Variants in CSMD2 observed in about 807,000 individuals in gnomAD.
CSMD2 encodes the protein CUB and sushi domain-containing protein 2.
A neutral mutation model predicts 398.5 loss-of-function variants in CSMD2; 130 were observed. The ratio of observed to expected loss-of-function variants is 0.33; its 90% CI spans 0.28 to 0.38. The LOEUF is 0.38. Among genes scored for constraint, CSMD2 ranks in the 10% least tolerant of loss-of-function variants. The pLI, the probability that CSMD2 is intolerant of heterozygous loss-of-function variation, is 1.00. For missense variants in CSMD2, 3,829 were observed against 4,764.9 expected, an observed-to-expected ratio of 0.80 and a Z score of 5.78; for synonymous variants, 1,828 against 1,908.5, an observed-to-expected ratio of 0.96 and a Z score of 1.10.
intron 1 of CSMD2, among the ~76,000 whole-genome samples, chr1:34,140,989 C>T (rs1396378155): frequency 2.0e-5 from 3 of 152,072 alleles, no homozygotes; most frequent in African/African-American, 4.8e-5. Context: ...AAGGAACACT[C>T]GAACACACAG....
chr1:33,689,910 G>A (rs1158967074), intron 25 of CSMD2, among the ~76,000 whole-genome samples: 1 of 152,130 alleles, frequency 6.6e-6, no homozygotes, highest in Non-Finnish European at 1.5e-5. Flanking sequence ...CGGGTACTTG[G>A]TGTATTGTTG....
Position 33,534,925 on chromosome 1 carries a change from C to A in CSMD2, c.9880-1018G>T, listed in dbSNP as rs148979060. Among the ~76,000 whole-genome samples the A allele has an allele frequency of 3.9e-3, 595 of 152,230 alleles. 1 individual carries two copies. The highest frequency in any genetic ancestry group is 6.8e-3 in the Middle Eastern group (2 of 294). ...AGGATCACTTCTCACCTTCTTTTTC[C>A]CTGGAGTCATGACAACAGTGTCCTC... On this transcript the variant is annotated intron_variant, in intron 62 of 70. Transcript: ENST00000373381.
intron 5 of CSMD2, among the ~76,000 whole-genome samples, chr1:33,875,926 T>C (rs146914037): frequency 6.6e-5 from 10 of 152,294 alleles, no homozygotes; most frequent in Admixed American, 4.6e-4. Flanking sequence ...TAGAGTGGTT[T>C]TGTCCGGCAT....
intron 3 of CSMD2, among the ~76,000 whole-genome samples, chr1:33,991,025 T>C (rs80071729): frequency 6.6e-6 from 1 of 151,396 alleles, no homozygotes; most frequent in Non-Finnish European, 1.5e-5. Context: ...TTTTTTTTTT[T>C]CCTCTTTTTT....
chr1:33,946,455 G>A (rs1036508907), intron 3 of CSMD2, among the ~76,000 whole-genome samples: 5 of 152,130 alleles, frequency 3.3e-5, no homozygotes, highest in African/African-American at 1.2e-4. Context: ...TGTTTGTTCT[G>A]GGGGCAGGAT....
At chr1:34,086,027 AAAAAAAAAG>A (rs1339556144) in intron 2 of CSMD2, among the ~76,000 whole-genome samples, 1 of 151,402 alleles carries the variant, frequency 6.6e-6, no homozygotes, top group Non-Finnish European at 1.5e-5. Context: ...CTGGAAAAAA[AAAAAAAAAG>A]AAAGAAAGAA....
chr1:33,571,695 G>C lies in CSMD2; in HGVS notation c.7794C>G (p.Ser2598Arg). Residue 2598 changes from serine (S) to arginine (R), a missense_variant, in exon 51 of 71, where the codon AGC becomes AGG. Ser to Arg is a moderately radical substitution (Grantham distance 110, BLOSUM62 -1). Coordinates refer to ENST00000373381, the MANE Select transcript of CSMD2 (RefSeq NM_001281956.2). ...PVTCPDVSSISVEHGRWRLIF... is the reference protein window; with the variant it reads ...PVTCPDVSSIRVEHGRWRLIF... ...TAAGCCTCCATCGGCCATGCTCCAC[G>C]CTGATGCTACTGACATCAGGACAAG... 1 of 1,541,446 alleles carries C rather than the reference G, an allele frequency of 6.5e-7. No homozygotes were observed. Among genetic ancestry groups the C allele is most frequent in the Non-Finnish European group, 8.8e-7 (1 of 1,131,898 alleles).
intron 5 of CSMD2, among the ~76,000 whole-genome samples, chr1:33,851,637 G>A (rs1429649361): frequency 6.6e-6 from 1 of 152,110 alleles, no homozygotes; most frequent in Non-Finnish European, 1.5e-5. Context: ...CCTTGTTTGA[G>A]GCTGATCCCT....
At chr1:33,909,459 T>C (rs1367480096) in intron 5 of CSMD2, among the ~76,000 whole-genome samples, 1 of 152,090 alleles carries the variant, frequency 6.6e-6, no homozygotes, top group East Asian at 1.9e-4. Context: ...TACATTTATG[T>C]TTGAATATTT....
intron 3 of CSMD2, among the ~76,000 whole-genome samples, chr1:34,000,454 A>T (rs1646865356): frequency 6.6e-6 from 1 of 152,180 alleles, no homozygotes; most frequent in South Asian, 2.1e-4. Context: ...CACAGAGCAA[A>T]GAGAAATGCC....
intron 4 of CSMD2, among the ~76,000 whole-genome samples, chr1:33,921,690 A>G (rs1305425713): frequency 2.0e-5 from 3 of 152,240 alleles, no homozygotes; most frequent in African/African-American, 2.4e-5. Flanking sequence ...CTGGAAGGGC[A>G]TGCTGCTTGG....
chr1:34,160,871 G>A (rs1641264634), intron 1 of CSMD2, among the ~76,000 whole-genome samples: 1 of 152,128 alleles, frequency 6.6e-6, no homozygotes, highest in South Asian at 2.1e-4. Flanking sequence ...TTTGGCATTT[G>A]ATTTTTTTAA....
chr1:33,987,582 C>T lies in CSMD2; in HGVS notation c.517+45012G>A, dbSNP rs1438608037. ...GTTTAGATACCTCCCAGGAGCATCT[C>T]TTCCATCTCTGCTGTCAATTATAAT... is the stretch of plus-strand genomic sequence containing the variant. On this transcript the variant is annotated intron_variant, in intron 3 of 70. Transcript: ENST00000373381. Among the ~76,000 whole-genome samples the T allele has an allele frequency of 3.3e-5, 5 of 152,208 alleles. No individual in the cohort carries two copies. In the East Asian group the frequency reaches 9.6e-4, roughly 29 times the overall value.
At chr1:33,898,087 G>A (rs758959092) in intron 5 of CSMD2, among the ~76,000 whole-genome samples, 13 of 152,174 alleles carry the variant, frequency 8.5e-5, no homozygotes, top group Non-Finnish European at 5.9e-5. Flanking sequence ...GAAGGGACTT[G>A]CCTAAGGTCA....
intron 3 of CSMD2, among the ~76,000 whole-genome samples, chr1:33,984,071 G>A (rs1486743780): frequency 1.3e-5 from 2 of 151,986 alleles, no homozygotes; most frequent in Admixed American, 6.5e-5. Context: ...GGAGAATGGC[G>A]TGAACCCTGG....
At chr1:33,991,909 C>G (rs1646566739) in intron 3 of CSMD2, among the ~76,000 whole-genome samples, 1 of 150,698 alleles carries the variant, frequency 6.6e-6, no homozygotes. Context: ...AAAAAATGGG[C>G]AGGAGATATG....
Position 33,527,199 on chromosome 1 carries a change from A to G in CSMD2, c.10231T>C (p.Leu3411=). ...CAATGATCTGGACCATACGTACTCA[A>G]GGCTTGGGTGAGCGGTGGCTCCCGG... ...TAREPPLTQA[L]IPGDVFAKNS... is the part of the protein sequence containing the mutation. The change falls in exon 65 of 71, where the codon TTG becomes CTG. Residue 3411 remains leucine, a synonymous_variant. Transcript: ENST00000373381. 1 of 1,613,922 alleles carries G rather than the reference A, an allele frequency of 6.2e-7. No homozygotes were observed. The highest frequency in any genetic ancestry group is 8.5e-7 in the Non-Finnish European group (1 of 1,179,768).
At chr1:33,834,147 C>T (rs1328376642) in intron 6 of CSMD2, among the ~76,000 whole-genome samples, 1 of 93,850 alleles carries the variant, frequency 1.1e-5, no homozygotes, top group Non-Finnish European at 1.9e-5. Context: ...TTGGAAAAAA[C>T]TACTTTAAAG....
chr1:34,126,757 G>C (rs1441305653), intron 1 of CSMD2, among the ~76,000 whole-genome samples: 1 of 151,312 alleles, frequency 6.6e-6, no homozygotes, highest in Non-Finnish European at 1.5e-5. Flanking sequence ...GTGGCCAGGA[G>C]GAAGGAAACG....
Sources: gnomAD v4.1 joint callset for allele counts (sites outside exome capture counted in the v4.1 genomes callset) on GRCh38, gnomAD v4.1.1 for gene constraint, MANE v1.5 for transcripts, NCBI Gene and HGNC (gene_info 2026-07-23, HGNC 2026-07-21) for gene names.